The following SMG6 variants were observed in gnomAD, a reference collection of about 807,000 sequenced individuals.
SMG6 encodes the protein telomerase-binding protein EST1A.
Under a neutral mutation model 142.2 loss-of-function variants are expected in SMG6, and 66 were observed. That is an observed-to-expected ratio of 0.46 (90% CI 0.38 to 0.57). The LOEUF is 0.57. SMG6 is among the 20% of genes least tolerant of loss of function. The probability of loss-of-function intolerance (pLI) is 0.00; values close to 1 mark genes in which losing one functional copy is unlikely to be tolerated. For missense variants in SMG6, 1,793 were observed against 1,832.0 expected, an observed-to-expected ratio of 0.98 and a Z score of 0.39; for synonymous variants, 779 against 702.4, an observed-to-expected ratio of 1.11 and a Z score of -1.72.
intron 10 of SMG6, among the ~76,000 whole-genome samples, chr17:2,202,297 C>T (rs1339236785): frequency 2.0e-5 from 3 of 152,232 alleles, no homozygotes; most frequent in Admixed American, 6.5e-5. Flanking sequence ...ACCTGTAATC[C>T]TAGCACTTTG....
chr17:2,281,820 C>T (rs531908809), intron 8 of SMG6, among the ~76,000 whole-genome samples: 3 of 152,182 alleles, frequency 2.0e-5, no homozygotes, highest in Non-Finnish European at 2.9e-5. Context: ...CTGCAGTTTT[C>T]CACCTACCGT....
At chr17:2,221,432 C>T (rs1567694842) in intron 10 of SMG6, among the ~76,000 whole-genome samples, 1 of 152,176 alleles carries the variant, frequency 6.6e-6, no homozygotes, top group Non-Finnish European at 1.5e-5. Context: ...CTCCTGAGGC[C>T]TCCCTAGCCA....
At chr17:2,092,234 G>A (rs1053706641) in intron 13 of SMG6, among the ~76,000 whole-genome samples, 3 of 151,904 alleles carry the variant, frequency 2.0e-5, no homozygotes, top group African/African-American at 4.8e-5. Context: ...GATCCACCGC[G>A]CCCGGCCTTT....
At position 2,252,922 on chromosome 17, in the gene SMG6, GA is replaced by G. The variant is rs149268903; in HGVS notation, c.2662-8204del. On this transcript the variant is annotated intron_variant, in intron 8 of 18. Transcript: ENST00000263073. ...TGGTTTTTACATTTTTTTAATGGCT[GA>G]AAAAAAAAATAAGAGAATATTTGAT... Among the ~76,000 whole-genome samples, 145 of 145,080 alleles carry G rather than the reference GA, an allele frequency of 1.0e-3. 1 individual carries two copies. The highest frequency in any genetic ancestry group is 3.1e-3 in the African/African-American group (121 of 39,644).
chr17:2,194,303 G>C (rs1276068029), intron 10 of SMG6, among the ~76,000 whole-genome samples: 1 of 152,198 alleles, frequency 6.6e-6, no homozygotes, highest in African/African-American at 2.4e-5. Context: ...CTTGGATGAA[G>C]CAATGAGTGA....
In SMG6 at chr17:2,299,134, G is replaced by A; in HGVS notation, c.1619C>T (p.Pro540Leu). ...CGGGTAGCCTGGGTAGTAAGGCCCT[G>A]GGTACACACCATTCGTAGGGCCCAC... ...YPVGPTNGVY[P>L]GPYYPGYPTP... The change falls in exon 2 of 19, where the codon CCA (proline) becomes CTA (leucine). Residue 540 changes from proline to leucine, a missense_variant. This residue lies in a region of SMG6 where 1,597 missense variants were observed against 1,584.6 expected (regional missense o/e 1.01). Coordinates refer to ENST00000263073, the MANE Select transcript of SMG6 (RefSeq NM_017575.5). This position sits in a 1 kb window ranked among gnomAD's most constrained non-coding sequence, Gnocchi z 4.3. 6.2e-7 allele frequency: 1 copy of A among 1,613,694 alleles called. No individual in the cohort carries two copies. The highest frequency in any genetic ancestry group is 8.5e-7 in the Non-Finnish European group (1 of 1,179,700).
intron 9 of SMG6, among the ~76,000 whole-genome samples, chr17:2,241,687 G>A (rs189465700): frequency 7.2e-5 from 11 of 152,130 alleles, no homozygotes; most frequent in East Asian, 3.9e-4. Flanking sequence ...CACCGCACCC[G>A]GTCATTATCT....
intron 13 of SMG6, among the ~76,000 whole-genome samples, chr17:2,148,622 G>C (rs1014733227): frequency 6.6e-6 from 1 of 152,198 alleles, no homozygotes; most frequent in African/African-American, 2.4e-5. Flanking sequence ...ACTTTGAGAG[G>C]CCAAGGCGGG....
intron 12 of SMG6, among the ~76,000 whole-genome samples, chr17:2,182,863 G>A (rs1383472081): frequency 6.6e-6 from 1 of 151,652 alleles, no homozygotes; most frequent in African/African-American, 2.4e-5. Flanking sequence ...GTGGGGTAGG[G>A]GAAGAAAAGG....
chr17:2,169,451 T>C (rs1238634551), intron 13 of SMG6, among the ~76,000 whole-genome samples: 3 of 152,050 alleles, frequency 2.0e-5, no homozygotes, highest in Non-Finnish European at 4.4e-5. Flanking sequence ...CTGCCGTGGA[T>C]GGAGAATAAT....
At chr17:2,192,404 A>G (rs2151701312) in intron 10 of SMG6, among the ~76,000 whole-genome samples, 1 of 152,356 alleles carries the variant, frequency 6.6e-6, no homozygotes, top group Non-Finnish European at 1.5e-5. Context: ...GAGAAGACAC[A>G]GGATGGATGA....
chr17:2,302,950 C>A (rs536633809), intron 1 of SMG6: 92 of 985,050 alleles, frequency 9.3e-5, no homozygotes, highest in Non-Finnish European at 1.1e-4. Flanking sequence ...CCTATCACAG[C>A]TACCATTCTA....
At chr17:2,065,756 C>T (rs1307446663) in intron 16 of SMG6, 77 bp from the exon 17 acceptor site, 1 of 1,215,830 alleles carries the variant, frequency 8.2e-7, no homozygotes, top group East Asian at 2.5e-5. Flanking sequence ...TTCACTTTCC[C>T]AGCCAACACC....
chr17:2,203,030 A>G (rs899090289), intron 10 of SMG6, among the ~76,000 whole-genome samples: 10 of 152,152 alleles, frequency 6.6e-5, no homozygotes, highest in Admixed American at 6.5e-4. Context: ...GGGCTCTATC[A>G]ATACATCTTG....
intron 13 of SMG6, among the ~76,000 whole-genome samples, chr17:2,120,059 C>T (rs1481408611): frequency 2.6e-5 from 4 of 152,200 alleles, no homozygotes; most frequent in Admixed American, 6.5e-5. Flanking sequence ...CCACCCACCT[C>T]GGCCTCCCAA....
At chr17:2,073,245 G>A (rs1322024814) in intron 15 of SMG6, among the ~76,000 whole-genome samples, 7 of 151,124 alleles carry the variant, frequency 4.6e-5, no homozygotes, top group South Asian at 2.1e-4. Flanking sequence ...CAACACGCCC[G>A]GCTAATTTTT....
intron 10 of SMG6, among the ~76,000 whole-genome samples, chr17:2,201,473 G>A (rs1223918984): frequency 6.6e-6 from 1 of 152,062 alleles, no homozygotes; most frequent in Non-Finnish European, 1.5e-5. Context: ...GTGTGTGGAT[G>A]GCTTGCGGTC....
At chr17:2,272,105 G>A (rs887811487) in intron 8 of SMG6, among the ~76,000 whole-genome samples, 2 of 152,132 alleles carry the variant, frequency 1.3e-5, no homozygotes, top group Non-Finnish European at 2.9e-5. Context: ...GCACACCATG[G>A]CACCAAACTA....
intron 2 of SMG6, 100 bp downstream of exon 2, chr17:2,298,806 A>T: frequency 9.3e-7 from 1 of 1,069,634 alleles, no homozygotes; most frequent in Non-Finnish European, 1.4e-6. Context: ...AATAATACCC[A>T]GTGGCTCAGC....
Sources: allele counts gnomAD v4.1 joint callset (sites outside exome capture counted in the v4.1 genomes callset), GRCh38; gene constraint gnomAD v4.1.1; regional missense constraint gnomAD v4.1.1; non-coding constraint Gnocchi (gnomAD v3.1); transcripts MANE v1.5; gene names NCBI Gene and HGNC (gene_info 2026-07-23, HGNC 2026-07-21).